Variants in ADRA1A observed in about 807,000 individuals in gnomAD.
ADRA1A encodes adrenoceptor alpha 1A, also known as alpha-1A adrenergic receptor.
ADRA1A carries 31 observed loss-of-function variants against 29.6 expected under a neutral mutation model. The ratio of observed to expected loss-of-function variants is 1.05; its 90% CI spans 0.79 to 1.41. ADRA1A has a LOEUF of 1.41. ADRA1A is among the 40% of genes most tolerant of loss of function. The probability of loss-of-function intolerance (pLI) is 0.00; values close to 1 mark genes in which losing one functional copy is unlikely to be tolerated. For synonymous variants in ADRA1A, 311 were observed against 254.3 expected (o/e 1.22, Z -2.12); for missense variants, 619 against 601.1 (o/e 1.03, Z -0.31).
At chr8:26,754,260 G>A (rs753495711), downstream of ADRA1A, among the ~76,000 whole-genome samples, 12 of 152,158 alleles carry the variant, frequency 7.9e-5, no homozygotes, top group Non-Finnish European at 1.5e-4. Context: ...ACAAATTCAA[G>A]TATAATGATT....
chr8:26,812,757 C>T (rs1441961134), intron 2 of ADRA1A, among the ~76,000 whole-genome samples: 7 of 151,818 alleles, frequency 4.6e-5, no homozygotes, highest in South Asian at 2.1e-4. Flanking sequence ...CTCCGCCTCC[C>T]GGGTTCACGC....
At chr8:26,847,074 T>TG (rs1367193828) in intron 2 of ADRA1A, among the ~76,000 whole-genome samples, 2 of 150,428 alleles carry the variant, frequency 1.3e-5, no homozygotes, top group Non-Finnish European at 3.0e-5. Flanking sequence ...TGTCGTGGGG[T>TG]GGGGGGAACA....
chr8:26,816,528 GGTGTATGTGTGT>G (rs1301930708), intron 2 of ADRA1A, among the ~76,000 whole-genome samples: 1 of 120,602 alleles, frequency 8.3e-6, no homozygotes, highest in African/African-American at 3.1e-5. Flanking sequence ...AGGTGCTCAT[GGTGTATGTGTGT>G]GTGTGTGTGT....
intron 2 of ADRA1A, among the ~76,000 whole-genome samples, chr8:26,836,969 G>C (rs1811417214): frequency 1.3e-5 from 2 of 152,072 alleles, no homozygotes; most frequent in African/African-American, 4.8e-5. Context: ...ATAGTACAGG[G>C]GAAAGCCCTT....
chr8:26,760,608 G>A (rs1188314906), intron 2 of ADRA1A, among the ~76,000 whole-genome samples: 3 of 152,198 alleles, frequency 2.0e-5, no homozygotes, highest in African/African-American at 7.2e-5. Flanking sequence ...GCCCCAGGGT[G>A]ATCACAGGGC....
chr8:26,761,817 C>G (rs1022571458), downstream of ADRA1A, among the ~76,000 whole-genome samples: 3 of 152,154 alleles, frequency 2.0e-5, no homozygotes. Flanking sequence ...AGAAAAGTTC[C>G]TGGAACAAGA....
At position 26,806,703 on chromosome 8, in the gene ADRA1A, C is replaced by T. The variant is rs921959680; in HGVS notation, c.884-36037G>A. Among the ~76,000 whole-genome samples, 2 of 152,020 alleles carry T rather than the reference C, an allele frequency of 1.3e-5. No individual in the cohort carries two copies. Among genetic ancestry groups the T allele is most frequent in the Admixed American group, 6.6e-5 (1 of 15,266 alleles). ...CTAAGTCTCTTTACTCTGGCTTAAC[C>T]GAGAGTTCGGTCATTACATAAAGCT... On this transcript the variant is annotated intron_variant, in intron 2 of 2. Coordinates refer to ENST00000380573, the MANE Select transcript of ADRA1A (RefSeq NM_000680.4). The surrounding 1 kb of genome is among the most constrained non-coding windows in gnomAD (Gnocchi z 4.6).
At chr8:26,798,727 A>T (rs1808359212) in intron 2 of ADRA1A, among the ~76,000 whole-genome samples, 1 of 152,200 alleles carries the variant, frequency 6.6e-6, no homozygotes, top group Non-Finnish European at 1.5e-5. Context: ...TTTGGGGGTT[A>T]TGTAGGTTAC....
intron 2 of ADRA1A, among the ~76,000 whole-genome samples, chr8:26,777,128 A>T (rs77906822): frequency 6.6e-6 from 1 of 152,208 alleles, no homozygotes; most frequent in African/African-American, 2.4e-5. Flanking sequence ...GTGCTGAACT[A>T]CTTTGGCCTG....
At position 26,860,139 on chromosome 8, in the gene ADRA1A, ATCT is replaced by A. The variant is rs1224390740; in HGVS notation, c.883+3945_883+3947del. ...TACCACCACTTCTCTCCACCACAACATCTTCTCCTCCACACTGCTGACTCCCTG... is the reference window on the plus strand; with the variant it reads ...TACCACCACTTCTCTCCACCACAACATCTCCTCCACACTGCTGACTCCCTG... On this transcript the variant is annotated intron_variant, in intron 2 of 2. Coordinates refer to ENST00000380573, the MANE Select transcript of ADRA1A (RefSeq NM_000680.4). This position sits in a 1 kb window ranked among gnomAD's most constrained non-coding sequence, Gnocchi z 4.7. Among the ~76,000 whole-genome samples, 2 of 151,956 alleles carry A rather than the reference ATCT, an allele frequency of 1.3e-5. No homozygotes were observed. The highest frequency in any genetic ancestry group is 6.6e-5 in the Admixed American group (1 of 15,246).
At chr8:26,781,379 G>T (rs1806968804) in intron 2 of ADRA1A, among the ~76,000 whole-genome samples, 1 of 152,156 alleles carries the variant, frequency 6.6e-6, no homozygotes, top group Non-Finnish European at 1.5e-5. Flanking sequence ...CTTCATTCGT[G>T]TCTCTCTAAG....
downstream of ADRA1A, among the ~76,000 whole-genome samples, chr8:26,768,360 T>C (rs1805903088): frequency 6.6e-6 from 1 of 152,226 alleles, no homozygotes; most frequent in Non-Finnish European, 1.5e-5. Context: ...GACCACTGAT[T>C]GTTGTCGAGA....
At chr8:26,814,223 T>C (rs954357730) in intron 2 of ADRA1A, among the ~76,000 whole-genome samples, 2 of 152,112 alleles carry the variant, frequency 1.3e-5, no homozygotes, top group African/African-American at 4.8e-5. Flanking sequence ...TAGAATTAAA[T>C]GATTCCTTTC....
In ADRA1A at chr8:26,823,815, G is replaced by A. The variant is rs531067192; in HGVS notation, c.883+40272C>T. Among the ~76,000 whole-genome samples, 22 of 152,288 alleles carry A rather than the reference G, an allele frequency of 1.4e-4. No individual in the cohort carries two copies. The highest frequency in any genetic ancestry group is 5.8e-4 in the East Asian group (3 of 5,184). The stretch of plus-strand genomic sequence containing the variant: ...TTATAGTTGTCAAGGTGAAGAACCC[G>A]AGGTACCATAAGACTATGGCTTGGT... On this transcript the variant is annotated intron_variant, in intron 2 of 2. Coordinates refer to ENST00000380573, the MANE Select transcript of ADRA1A (RefSeq NM_000680.4). The surrounding 1 kb of genome is among the most constrained non-coding windows in gnomAD (Gnocchi z 4.2).
intron 2 of ADRA1A, among the ~76,000 whole-genome samples, chr8:26,840,556 G>C (rs1811745416): frequency 6.6e-6 from 1 of 151,952 alleles, no homozygotes; most frequent in Non-Finnish European, 1.5e-5. Context: ...GCACTTCTTG[G>C]GAAGTTTCTT....
intron 2 of ADRA1A, among the ~76,000 whole-genome samples, chr8:26,817,551 G>A (rs1809854381): frequency 6.6e-6 from 1 of 152,200 alleles, no homozygotes; most frequent in African/African-American, 2.4e-5. Context: ...GGACAAGGCA[G>A]GTGGATCCTT....
At chr8:26,834,160 T>C (rs1323304604) in intron 2 of ADRA1A, among the ~76,000 whole-genome samples, 1 of 152,150 alleles carries the variant, frequency 6.6e-6, no homozygotes, top group South Asian at 2.1e-4. Flanking sequence ...AACAAAACTA[T>C]AAAATACCAA....
In ADRA1A at chr8:26,831,671, T is replaced by A. The variant is rs1014608135; in HGVS notation, c.883+32416A>T. 1.1e-4 allele frequency among the ~76,000 whole-genome samples: 17 copies of A among 152,270 alleles called. No individual in the cohort carries two copies. The highest frequency in any genetic ancestry group is 3.9e-4 in the African/African-American group (16 of 41,474). ...TTCCAGCCTGGGTAGATCAGCCACA[T>A]GCCAATTGTCTTCTTGTTTTCTTTC... On this transcript the variant is annotated intron_variant, in intron 2 of 2. Transcript: ENST00000380573. This position sits in a 1 kb window ranked among gnomAD's most constrained non-coding sequence, Gnocchi z 5.2.
chr8:26,836,649 A>C (rs13249810), intron 2 of ADRA1A, among the ~76,000 whole-genome samples: 2,732 of 152,334 alleles, frequency 0.018, 56 homozygotes, highest in Non-Finnish European at 0.026. Flanking sequence ...AACCAAAACC[A>C]AAGTGATATT....
Sources: gnomAD v4.1 joint callset for allele counts (sites outside exome capture counted in the v4.1 genomes callset) on GRCh38, gnomAD v4.1.1 for gene constraint, Gnocchi (gnomAD v3.1) non-coding constraint, MANE v1.5 for transcripts, NCBI Gene and HGNC (gene_info 2026-07-23, HGNC 2026-07-21) for gene names.